ZSWIM9: variants seen among roughly 807,000 people sequenced by gnomAD.
The protein encoded by ZSWIM9 is uncharacterized protein ZSWIM9.
A neutral mutation model predicts 25.0 loss-of-function variants in ZSWIM9; 11 were observed. The observed-to-expected ratio is 0.44, with a 90% CI of 0.28 to 0.73. The LOEUF is 0.73. Among genes scored for constraint, ZSWIM9 ranks in the 30% least tolerant of loss-of-function variants. The pLI is 0.16. For missense variants in ZSWIM9, 1,070 were observed against 1,296.5 expected, an observed-to-expected ratio of 0.83 and a Z score of 2.68; for synonymous variants, 562 against 582.1, an observed-to-expected ratio of 0.97 and a Z score of 0.50.
In ZSWIM9 at chr19:48,196,648, C is replaced by G; in HGVS notation, c.2584C>G (p.Leu862Val). 1 of 1,232,746 alleles carries G rather than the reference C, an allele frequency of 8.1e-7. No homozygotes were observed. Among genetic ancestry groups the G allele is most frequent in the Non-Finnish European group, 1.0e-6 (1 of 988,440 alleles). 76.4% of individuals were successfully genotyped at this position (1,232,746 alleles called of 1,614,324 possible). ...GFHWTGAGFA[L>V]KDGTSDFFLD... Reference sequence around the variant, plus strand: ...CCACTGGACCGGAGCTGGCTTTGCCCTTAAGGACGGCACCTCGGACTTCTT... The same window carrying G: ...CCACTGGACCGGAGCTGGCTTTGCCGTTAAGGACGGCACCTCGGACTTCTT... The change falls in exon 4 of 4, where the codon CTT (leucine) becomes GTT (valine). Residue 862 changes from leucine (L) to valine (V), a missense_variant. Leu to Val is a conservative substitution (Grantham distance 32). Coordinates refer to ENST00000614654, the MANE Select transcript of ZSWIM9 (RefSeq NM_199341.4).
chr19:48,187,553 TATATTATATATA>T (rs1214796082), intron 3 of ZSWIM9: 1 of 28,590 alleles, frequency 3.5e-5, no homozygotes, highest in Non-Finnish European at 7.5e-5. Flanking sequence ...TTATATTATA[TATATTATATATA>T]ATATTATATA....
chr19:48,182,688 A>T lies in ZSWIM9; in HGVS notation c.509A>T (p.Tyr170Phe), dbSNP rs1327890982. The change falls in exon 3 of 4, where the codon TAC (tyrosine) becomes TTC (phenylalanine). Residue 170 changes from tyrosine (Y) to phenylalanine (F), a missense_variant. Around this residue, in one of 4 missense-constraint regions of ZSWIM9, gnomAD observed 265 missense variants for 339.0 expected, o/e 0.78. Transcript: ENST00000614654. The surrounding 1 kb of genome is among the most constrained non-coding windows in gnomAD (Gnocchi z 4.6). ...APADVRRLLS[Y>F]CKGRDHGVLD... ...GCCGACGTGCGCCGCCTGCTGTCCT[A>T]CTGCAAGGGCCGCGACCACGGCGTC... 1 of 1,535,590 alleles carries T rather than the reference A, an allele frequency of 6.5e-7. No homozygotes were observed. Among genetic ancestry groups the T allele is most frequent in the Non-Finnish European group, 8.7e-7 (1 of 1,146,564 alleles).
chr19:48,171,957 A>C lies in ZSWIM9; in HGVS notation c.155A>C (p.His52Pro). Residue 52 changes from histidine (H) to proline (P), a missense_variant, in exon 2 of 4, where the codon CAC (histidine) becomes CCC (proline). Physicochemically the swap from His to Pro is moderately conservative, Grantham distance 77 (BLOSUM62 -2). Around this residue, in one of 4 missense-constraint regions of ZSWIM9, gnomAD observed 265 missense variants for 339.0 expected, o/e 0.78. Coordinates refer to ENST00000614654, the MANE Select transcript of ZSWIM9 (RefSeq NM_199341.4). ...CTCTTCTTCGTCAAGAGCTCCATGC[A>C]CCTGGCGCGCTGCCGCTGGGCCAGT... ...LALFFVKSSM[H>P]LARCRWASAP... 1 of 1,535,806 alleles carries C rather than the reference A, an allele frequency of 6.5e-7. No homozygotes were observed.
chr19:48,184,771 G>A (rs1372348367), intron 3 of ZSWIM9, among the ~76,000 whole-genome samples: 3 of 152,202 alleles, frequency 2.0e-5, no homozygotes, highest in Non-Finnish European at 4.4e-5. Context: ...GGAAACTGAA[G>A]CACAGAGAAG....
rs1265229908 is a variant in ZSWIM9, at chr19:48,194,907, C to A, written c.843C>A (p.Ser281Arg). 7.7e-7 allele frequency: 1 copy of A among 1,306,608 alleles called. No homozygotes were observed. The highest frequency in any genetic ancestry group is 1.8e-5 in the South Asian group (1 of 55,100). 80.9% of individuals were successfully genotyped at this position (1,306,608 alleles called of 1,614,324 possible). A position where few individuals can be genotyped will look rare whatever the true frequency, so the allele number is the denominator to read the frequency against. ...LRFALASLLQ[S>R]APDVKGRVRC... ...TCGCGCTCGCGTCGCTGCTGCAGAG[C>A]GCGCCAGACGTCAAGGGCCGCGTGC... is the stretch of plus-strand genomic sequence containing the variant. Residue 281 changes from serine (S) to arginine (R), a missense_variant, in exon 4 of 4, where the codon AGC (serine) becomes AGA (arginine). By Grantham distance (110) the Ser-to-Arg change is moderately radical. Coordinates refer to ENST00000614654, the MANE Select transcript of ZSWIM9 (RefSeq NM_199341.4). The surrounding 1 kb of genome is among the most constrained non-coding windows in gnomAD (Gnocchi z 6.0).
rs1278997302 is a variant in ZSWIM9, at chr19:48,196,353, T to C, written c.2289T>C (p.Asn763=). The C allele has an allele frequency of 3.2e-6, 4 of 1,232,128 alleles. No homozygotes were observed. The highest frequency in any genetic ancestry group is 6.3e-5 in the East Asian group (2 of 31,682). The allele number at this position is 1,232,128 out of a possible 1,614,324, so 76.3% of individuals were successfully genotyped here. Residue 763 remains asparagine (N), a synonymous_variant, in exon 4 of 4, where the codon AAT becomes AAC. Transcript: ENST00000614654. The stretch of plus-strand genomic sequence containing the variant: ...GAGGGCGGTGTCTAGGGCTGGGGAA[T>C]GGAGTCGTGTCTGGCACCCCGGTGG... ...DAGGRCLGLG[N]GVVSGTPVGT...
At chr19:48,186,121 G>A (rs888053012) in intron 3 of ZSWIM9, among the ~76,000 whole-genome samples, 2 of 152,210 alleles carry the variant, frequency 1.3e-5, no homozygotes, top group Non-Finnish European at 2.9e-5. Context: ...TTATCGAAAT[G>A]TAAACAACCT....
At position 48,197,572 on chromosome 19, in the gene ZSWIM9, T is replaced by C. The variant is rs1395791269; in HGVS notation, c.*745T>C. 4.7e-6 allele frequency: 2 copies of C among 422,102 alleles called. No homozygotes were observed. The highest frequency in any genetic ancestry group is 7.5e-5 in the Admixed American group (2 of 26,686). 26.1% of individuals were successfully genotyped at this position (422,102 alleles called of 1,614,324 possible). ...AGAGTCTCCAGCAGGGGAGGGGAAT[T>C]GTTTGGACTATTGTTCTTCAGGATT... On this transcript the variant is annotated 3_prime_UTR_variant, in exon 4 of 4. Transcript: ENST00000614654.
At chr19:48,180,673 T>C (rs964354412) in intron 2 of ZSWIM9, 2 of 152,142 alleles carry the variant, frequency 1.3e-5, no homozygotes, top group African/African-American at 4.8e-5. Context: ...GTGACTATGA[T>C]GTGAATATTT....
chr19:48,187,531 AT>A (rs2037037767), intron 3 of ZSWIM9: 1 of 79,614 alleles, frequency 1.3e-5, no homozygotes, highest in African/African-American at 5.0e-5. Flanking sequence ...TATATATTAT[AT>A]TATTATTATA....
chr19:48,179,311 G>A (rs562442118), intron 2 of ZSWIM9, among the ~76,000 whole-genome samples: 2 of 152,032 alleles, frequency 1.3e-5, no homozygotes, highest in African/African-American at 4.8e-5. Context: ...ATGGGTGTGT[G>A]CCACAATGCC....
rs1195436531 is a variant in ZSWIM9 at position 48,175,269 on chromosome 19, A to T, written c.275+3192A>T. Among the ~76,000 whole-genome samples, 6 of 151,874 alleles carry T rather than the reference A, an allele frequency of 4.0e-5. No individual in the cohort carries two copies. The East Asian group carries it at 1.2e-3, about 29-fold the overall frequency. ...GGGGCGAGGACAGGGCCCTGGGTAC[A>T]CTCCTGGGACTGGGTAGATGATGAG... On this transcript the variant is annotated intron_variant, in intron 2 of 3. Coordinates refer to ENST00000614654, the MANE Select transcript of ZSWIM9 (RefSeq NM_199341.4).
At chr19:48,183,794 ACC>A (rs3078205) in intron 3 of ZSWIM9, among the ~76,000 whole-genome samples, 28,723 of 145,722 alleles carry the variant, frequency 0.2, 3,665 homozygotes, top group African/African-American at 0.37. Flanking sequence ...GCACCACCAC[ACC>A]CAGCTAATTT....
chr19:48,179,542 A>G (rs1366114626), intron 2 of ZSWIM9, among the ~76,000 whole-genome samples: 1 of 152,226 alleles, frequency 6.6e-6, no homozygotes, highest in Non-Finnish European at 1.5e-5. Context: ...TATGCTGTGC[A>G]GTCTGAGAAC....
intron 2 of ZSWIM9, among the ~76,000 whole-genome samples, chr19:48,173,419 C>T (rs2036860701): frequency 6.6e-6 from 1 of 152,212 alleles, no homozygotes; most frequent in Non-Finnish European, 1.5e-5. Context: ...CCACCTCAGC[C>T]TCCCAAGTAG....
intron 2 of ZSWIM9, among the ~76,000 whole-genome samples, chr19:48,175,038 C>G (rs1478493864): frequency 6.6e-6 from 1 of 152,134 alleles, no homozygotes; most frequent in Non-Finnish European, 1.5e-5. Flanking sequence ...GTGGTCAGCT[C>G]CACCTGAAAG....
In ZSWIM9 at chr19:48,197,096, A is replaced by G; in HGVS notation, c.*269A>G. On this transcript the variant is annotated 3_prime_UTR_variant, in exon 4 of 4. Transcript: ENST00000614654. ...CCCTCTGGAGAGGAAGCATGTGATG[A>G]GAGGTGTAGACAGGGTCAGGCTGGG... 1 of 591,272 alleles carries G rather than the reference A, an allele frequency of 1.7e-6. No homozygotes were observed. The highest frequency in any genetic ancestry group is 3.0e-6 in the Non-Finnish European group (1 of 333,180). The allele number at this position is 591,272 out of a possible 1,614,324, so 36.6% of individuals were successfully genotyped here.
Position 48,186,239 on chromosome 19 carries a change from G to GC in ZSWIM9, c.588+3476dup, listed in dbSNP as rs199837478. ...ATTTTTAACTTTATTTCCTCTTTCT[G>GC]CCCCGCCACCCCCCACCCCCAGCAA... is the stretch of plus-strand genomic sequence containing the variant. On this transcript the variant is annotated intron_variant, in intron 3 of 3. Transcript: ENST00000614654. Among the ~76,000 whole-genome samples the GC allele has an allele frequency of 6.0e-4, 89 of 149,576 alleles. 1 individual carries two copies. The highest frequency in any genetic ancestry group is 2.2e-3 in the African/African-American group (87 of 39,150).
chr19:48,180,040 G>T (rs1259478359), intron 2 of ZSWIM9, among the ~76,000 whole-genome samples: 1 of 152,082 alleles, frequency 6.6e-6, no homozygotes, highest in East Asian at 1.9e-4. Context: ...ATTCTAGACG[G>T]AGTTTTGCTC....
Sources: gnomAD v4.1 joint callset for allele counts (sites outside exome capture counted in the v4.1 genomes callset) on GRCh38, gnomAD v4.1.1 for gene constraint, gnomAD v4.1.1 regional missense constraint, Gnocchi (gnomAD v3.1) non-coding constraint, MANE v1.5 for transcripts, NCBI Gene and HGNC (gene_info 2026-07-23, HGNC 2026-07-21) for gene names.